Variants in PRKN observed in about 807,000 individuals in gnomAD.
The protein encoded by PRKN is parkin RBR E3 ubiquitin protein ligase, also known as E3 ubiquitin-protein ligase parkin.
Under a neutral mutation model 59.5 loss-of-function variants are expected in PRKN, and 56 were observed. That is an observed-to-expected ratio of 0.94 (90% CI 0.76 to 1.18). The LOEUF (loss-of-function observed/expected upper bound fraction) is 1.18. Ranked by LOEUF, PRKN falls within the 50% of genes most tolerant of loss-of-function variation. The pLI is 0.00. For synonymous variants in PRKN, 250 were observed against 222.1 expected (o/e 1.13, Z -1.12); for missense variants, 657 against 596.4 (o/e 1.10, Z -1.06).
rs993553374 is a variant in PRKN, at chr6:161,467,553, T to G, written c.1084-80676A>C. Among the ~76,000 whole-genome samples the G allele has an allele frequency of 6.6e-6, 1 of 152,140 alleles. No homozygotes were observed. Among genetic ancestry groups the G allele is most frequent in the African/African-American group, 2.4e-5 (1 of 41,432 alleles). The stretch of plus-strand genomic sequence containing the variant: ...TTTACTGTTGTATAACAGAGAAACA[T>G]GCAGATTGCTATGGGAATGCAGGTT... On this transcript the variant is annotated intron_variant, in intron 9 of 11. Transcript: ENST00000366898. The surrounding 1 kb of genome is among the most constrained non-coding windows in gnomAD (Gnocchi z 4.3).
chr6:162,358,325 C>T (rs1027529307), intron 2 of PRKN, among the ~76,000 whole-genome samples: 2 of 152,128 alleles, frequency 1.3e-5, no homozygotes, highest in Non-Finnish European at 2.9e-5. Context: ...AGTTACCTGG[C>T]ATGGTTCTTT....
chr6:162,178,632 C>G (rs776851223), intron 4 of PRKN, among the ~76,000 whole-genome samples: 7 of 152,204 alleles, frequency 4.6e-5, no homozygotes, highest in Non-Finnish European at 1.0e-4. Flanking sequence ...TGCCAAAGTG[C>G]TGCAGGTGGA....
chr6:161,912,412 T>G (rs1778397318), intron 6 of PRKN, among the ~76,000 whole-genome samples: 9 of 145,182 alleles, frequency 6.2e-5, no homozygotes, highest in South Asian at 4.8e-4. Context: ...CATGCCCCTG[T>G]ACCCCCCCAC....
intron 5 of PRKN, among the ~76,000 whole-genome samples, chr6:161,978,733 A>G (rs920276958): frequency 5.3e-5 from 8 of 152,280 alleles, no homozygotes; most frequent in African/African-American, 1.7e-4. Flanking sequence ...CAAGTGGCCA[A>G]GAAACATCTC....
intron 9 of PRKN, among the ~76,000 whole-genome samples, chr6:161,465,634 T>G (rs1790428056): frequency 6.6e-6 from 1 of 152,222 alleles, no homozygotes; most frequent in African/African-American, 2.4e-5. Flanking sequence ...TGGCAGCTCT[T>G]AACATTATCT....
Position 162,262,702 on chromosome 6 carries a change from C to G in PRKN, c.235G>C (p.Glu79Gln), listed in dbSNP as rs770994041. 1.2e-6 allele frequency: 2 copies of G among 1,607,836 alleles called. No homozygotes were observed. Among genetic ancestry groups the G allele is most frequent in the Non-Finnish European group, 1.7e-6 (2 of 1,178,396 alleles). The change falls in exon 3 of 12, where the codon GAA becomes CAA. Residue 79 changes from glutamate to glutamine, a missense_variant. Physicochemically the swap from Glu to Gln is conservative, Grantham distance 29. Coordinates refer to ENST00000366898, the MANE Select transcript of PRKN (RefSeq NM_004562.3). ...TCGTCGCCTCCAGTTGCATTCATTT[C>G]TTGACCTTTTCTCCACGGTCTCTGC... ...IVQRPWRKGQ[E>Q]MNATGGDDPR... is the part of the protein sequence containing the mutation.
chr6:161,973,381 C>T lies in PRKN; in HGVS notation c.655G>A (p.Asp219Asn). The T allele has an allele frequency of 6.2e-7, 1 of 1,613,702 alleles. No homozygotes were observed. The highest frequency in any genetic ancestry group is 2.2e-5 in the East Asian group (1 of 44,868). ...FFKCGAHPTSDKETSVALHLI... is the reference protein window; with the variant it reads ...FFKCGAHPTSNKETSVALHLI... The stretch of plus-strand genomic sequence containing the variant: ...TGCAAAGCTACTGATGTTTCCTTGT[C>T]AGAGGTGGGGTGTGCTCCACATTTA... The change falls in exon 6 of 12, where the codon GAC becomes AAC. Residue 219 changes from aspartate to asparagine, a missense_variant. Asp to Asn is a conservative substitution (Grantham distance 23). Coordinates refer to ENST00000366898, the MANE Select transcript of PRKN (RefSeq NM_004562.3).
intron 4 of PRKN, among the ~76,000 whole-genome samples, chr6:162,136,602 C>A (rs990980775): frequency 5.3e-5 from 8 of 152,206 alleles, no homozygotes; most frequent in Non-Finnish European, 1.0e-4. Context: ...AAAATGGGGT[C>A]TATGCCTCCT....
In PRKN at chr6:162,620,820, T is replaced by C. The variant is rs916072200; in HGVS notation, c.7+106842A>G. On this transcript the variant is annotated intron_variant, in intron 1 of 11. Transcript: ENST00000366898. ...CCTCCTGCCTTAGCCTTCCAAAGTG[T>C]TGGGATGACAGGCATGAGCCACTGT... 3.3e-5 allele frequency among the ~76,000 whole-genome samples: 5 copies of C among 152,216 alleles called. No individual in the cohort carries two copies. The East Asian group carries it at 7.7e-4, about 23-fold the overall frequency.
At chr6:162,398,293 A>T (rs933293315) in intron 2 of PRKN, among the ~76,000 whole-genome samples, 2 of 152,126 alleles carry the variant, frequency 1.3e-5, no homozygotes, top group Non-Finnish European at 2.9e-5. Flanking sequence ...TTCCACAGTT[A>T]TTATCATAGG....
rs1787416606 is a variant in PRKN at position 161,409,253 on chromosome 6, C to T, written c.1084-22376G>A. Among the ~76,000 whole-genome samples the T allele has an allele frequency of 6.6e-6, 1 of 152,126 alleles. No homozygotes were observed. Reference sequence around the variant, plus strand: ...GCCACCACCCCCGGCCAGGAGAACACATTTTTAAACTCTGTGGTAATGGTT... The same window carrying T: ...GCCACCACCCCCGGCCAGGAGAACATATTTTTAAACTCTGTGGTAATGGTT... On this transcript the variant is annotated intron_variant, in intron 9 of 11. Coordinates refer to ENST00000366898, the MANE Select transcript of PRKN (RefSeq NM_004562.3). The surrounding 1 kb of genome is among the most constrained non-coding windows in gnomAD (Gnocchi z 4.6).
chr6:161,710,625 T>C (rs1583037984), intron 7 of PRKN, among the ~76,000 whole-genome samples: 1 of 152,276 alleles, frequency 6.6e-6, no homozygotes, highest in African/African-American at 2.4e-5. Context: ...GGTCTAGACA[T>C]ATTCCACTTC....
At chr6:162,145,473 G>A (rs1781981985) in intron 4 of PRKN, among the ~76,000 whole-genome samples, 1 of 152,196 alleles carries the variant, frequency 6.6e-6, no homozygotes, top group African/African-American at 2.4e-5. Context: ...GGGAATTATT[G>A]TTGCTAGTGG....
chr6:161,626,836 A>C (rs1437748069), intron 7 of PRKN, among the ~76,000 whole-genome samples: 1 of 152,210 alleles, frequency 6.6e-6, no homozygotes, highest in Non-Finnish European at 1.5e-5. Flanking sequence ...AAAGGCTTTG[A>C]GTCAACACAC....
chr6:161,967,726 A>G (rs1474543990), intron 6 of PRKN, among the ~76,000 whole-genome samples: 1 of 152,212 alleles, frequency 6.6e-6, no homozygotes. Context: ...GAAAAACCCA[A>G]GTCACAGCTA....
At chr6:162,288,517 G>A (rs1430636121) in intron 2 of PRKN, among the ~76,000 whole-genome samples, 2 of 152,096 alleles carry the variant, frequency 1.3e-5, no homozygotes, top group African/African-American at 4.8e-5. Context: ...TCCATGAAAC[G>A]GGGTCTCAAG....
chr6:161,379,011 T>C lies in PRKN; in HGVS notation c.1167+7783A>G, dbSNP rs1334838613. Among the ~76,000 whole-genome samples, 2 of 152,188 alleles carry C rather than the reference T, an allele frequency of 1.3e-5. No homozygotes were observed. The highest frequency in any genetic ancestry group is 4.8e-5 in the African/African-American group (2 of 41,442). On this transcript the variant is annotated intron_variant, in intron 10 of 11. Coordinates refer to ENST00000366898, the MANE Select transcript of PRKN (RefSeq NM_004562.3). The surrounding 1 kb of genome is among the most constrained non-coding windows in gnomAD (Gnocchi z 4.9). The stretch of plus-strand genomic sequence containing the variant: ...CACAGCAAGAGTTCTGGTCACTTTA[T>C]GTTGCATTGCCAAGGGATTAGCAGG...
intron 1 of PRKN, among the ~76,000 whole-genome samples, chr6:162,582,762 C>T (rs1780839134): frequency 6.6e-6 from 1 of 152,144 alleles, no homozygotes; most frequent in Non-Finnish European, 1.5e-5. Flanking sequence ...AACTTATTGG[C>T]TGTTTTTAAA....
At chr6:162,129,881 A>T (rs1781276518) in intron 4 of PRKN, among the ~76,000 whole-genome samples, 1 of 152,180 alleles carries the variant, frequency 6.6e-6, no homozygotes, top group Non-Finnish European at 1.5e-5. Context: ...GAGTGTTTAC[A>T]CTGAGGAAAA....
Sources: gnomAD v4.1 joint callset for allele counts (sites outside exome capture counted in the v4.1 genomes callset) on GRCh38, gnomAD v4.1.1 for gene constraint, Gnocchi (gnomAD v3.1) non-coding constraint, MANE v1.5 for transcripts, NCBI Gene and HGNC (gene_info 2026-07-23, HGNC 2026-07-21) for gene names.